PIEZO2: variants seen among roughly 807,000 people sequenced by gnomAD.
The protein encoded by PIEZO2 is piezo type mechanosensitive ion channel component 2, also known as piezo-type mechanosensitive ion channel component 2.
In PIEZO2, 172 loss-of-function variants were observed where a neutral mutation model predicts 337.3. The observed-to-expected ratio is 0.51, with a 90% confidence interval of 0.45 to 0.58. PIEZO2 has a LOEUF of 0.58. Among genes scored for constraint, PIEZO2 ranks in the 20% least tolerant of loss-of-function variants. PIEZO2 has a pLI of 0.00. For synonymous variants in PIEZO2, 1,251 were observed against 1,228.5 expected, an observed-to-expected ratio of 1.02 and a Z score of -0.38; for missense variants, 3,028 against 3,391.3, an observed-to-expected ratio of 0.89 and a Z score of 2.66.
intron 7 of PIEZO2, among the ~76,000 whole-genome samples, chr18:10,822,743 G>A (rs1299034461): frequency 6.6e-6 from 1 of 152,164 alleles, no homozygotes; most frequent in Non-Finnish European, 1.5e-5. Context: ...TTGTGAACGC[G>A]TTGGGGTGCA....
intron 11 of PIEZO2, among the ~76,000 whole-genome samples, chr18:10,799,760 C>T (rs1240874036): frequency 6.6e-6 from 1 of 152,094 alleles, no homozygotes; most frequent in Non-Finnish European, 1.5e-5. Context: ...ATTGCCTGAG[C>T]TCAGGAGTTT....
chr18:10,725,361 C>T, intron 36 of PIEZO2: 1 of 1,605,892 alleles, frequency 6.2e-7, no homozygotes, highest in Middle Eastern at 1.8e-4. Context: ...CCTGCTGTCC[C>T]AGGCGGTGAT....
At chr18:11,023,223 T>A (rs1455227324) in intron 2 of PIEZO2, among the ~76,000 whole-genome samples, 1 of 152,222 alleles carries the variant, frequency 6.6e-6, no homozygotes, top group Non-Finnish European at 1.5e-5. Flanking sequence ...TTTATTCTCT[T>A]ATCTGGCCCC....
At chr18:10,692,605 G>T (rs536207421) in intron 47 of PIEZO2, among the ~76,000 whole-genome samples, 1 of 151,836 alleles carries the variant, frequency 6.6e-6, no homozygotes, top group South Asian at 2.1e-4. Context: ...AGCACCATTT[G>T]CATTTGTTGA....
At chr18:10,675,887 C>T (rs1263213773) in intron 53 of PIEZO2, among the ~76,000 whole-genome samples, 3 of 152,134 alleles carry the variant, frequency 2.0e-5, no homozygotes, top group Non-Finnish European at 4.4e-5. Flanking sequence ...TGCACGTGCT[C>T]CCTTGCCCAC....
At chr18:11,018,536 T>C (rs899060044) in intron 2 of PIEZO2, among the ~76,000 whole-genome samples, 3 of 152,048 alleles carry the variant, frequency 2.0e-5, no homozygotes, top group Admixed American at 6.6e-5. Flanking sequence ...TGGTGTCTCA[T>C]TTATGGCCAA....
chr18:10,880,813 C>T (rs1339940133), intron 4 of PIEZO2, among the ~76,000 whole-genome samples: 4 of 126,470 alleles, frequency 3.2e-5, no homozygotes, highest in African/African-American at 9.2e-5. Flanking sequence ...ATGGTAAGAC[C>T]CCTGATTTCC....
chr18:11,066,227 G>A lies in PIEZO2; in HGVS notation c.65-5C>T. ...CATTGTATCGGAATGCACATGCTGT[G>A]GGTGGGAAGAGAGAAGAGAGTGAGA... On this transcript the variant is annotated splice_polypyrimidine_tract_variant and splice_region_variant and intron_variant, in intron 1 of 55. Transcript: ENST00000674853. 13 of 1,533,534 alleles carry A rather than the reference G, an allele frequency of 8.5e-6. No homozygotes were observed. The highest frequency in any genetic ancestry group is 9.6e-6 in the Non-Finnish European group (11 of 1,143,744). The allele number at this position is 1,533,534 out of a possible 1,614,324, so 95.0% of individuals were successfully genotyped here.
intron 4 of PIEZO2, among the ~76,000 whole-genome samples, chr18:10,885,153 G>A (rs2042540026): frequency 6.6e-6 from 1 of 152,168 alleles, no homozygotes; most frequent in South Asian, 2.1e-4. Flanking sequence ...AGCCGGGCGT[G>A]GTGGCTCACG....
intron 3 of PIEZO2, among the ~76,000 whole-genome samples, chr18:10,928,333 C>A (rs1283835529): frequency 1.3e-5 from 2 of 152,140 alleles, no homozygotes; most frequent in Non-Finnish European, 2.9e-5. Flanking sequence ...AAAACAGAGG[C>A]ATGGCCGCTC....
chr18:10,865,584 T>C (rs1240754225), intron 5 of PIEZO2, among the ~76,000 whole-genome samples: 1 of 152,164 alleles, frequency 6.6e-6, no homozygotes, highest in Non-Finnish European at 1.5e-5. Context: ...TCTATTAACC[T>C]TGATGGGTAA....
At chr18:11,093,627 C>T (rs2039168015) in intron 1 of PIEZO2, among the ~76,000 whole-genome samples, 1 of 146,558 alleles carries the variant, frequency 6.8e-6, no homozygotes, top group Non-Finnish European at 1.5e-5. Context: ...CGCTCTGTCG[C>T]CCAGGCTGGA....
chr18:11,016,398 C>A lies in PIEZO2; in HGVS notation c.161-36738G>T, dbSNP rs939130309. Reference sequence around the variant, plus strand: ...GAGGCAGAAAGGAGGCTGGAGGGCACTGACAACACAGAGGAACCAAAACCC... The same window carrying A: ...GAGGCAGAAAGGAGGCTGGAGGGCAATGACAACACAGAGGAACCAAAACCC... On this transcript the variant is annotated intron_variant, in intron 2 of 55. Transcript: ENST00000674853. This position sits in a 1 kb window ranked among gnomAD's most constrained non-coding sequence, Gnocchi z 5.6. Among the ~76,000 whole-genome samples, 4 of 152,188 alleles carry A rather than the reference C, an allele frequency of 2.6e-5. No individual in the cohort carries two copies. In the East Asian group the frequency reaches 7.7e-4, roughly 29 times the overall value.
chr18:10,900,799 C>T (rs996864214), intron 4 of PIEZO2, among the ~76,000 whole-genome samples: 2 of 152,178 alleles, frequency 1.3e-5, no homozygotes, highest in African/African-American at 2.4e-5. Flanking sequence ...CTACTTCTGC[C>T]TCCACACATG....
intron 4 of PIEZO2, among the ~76,000 whole-genome samples, chr18:10,885,298 C>G (rs1298935738): frequency 6.6e-6 from 1 of 152,084 alleles, no homozygotes; most frequent in Non-Finnish European, 1.5e-5. Context: ...GTGGCAGGTG[C>G]CTGTAGTCCT....
rs549200318 is a variant in PIEZO2, at chr18:10,973,426, T to G, written c.286+6109A>C. On this transcript the variant is annotated intron_variant, in intron 3 of 55. Coordinates refer to ENST00000674853, the MANE Select transcript of PIEZO2 (RefSeq NM_001378183.1). The surrounding 1 kb of genome is among the most constrained non-coding windows in gnomAD (Gnocchi z 4.9). ...AGCAGTCTCCATCTAGGTCGGCATA[T>G]GTCTCCGTGAGGCAGTGCCTCAATC... 6.6e-6 allele frequency among the ~76,000 whole-genome samples: 1 copy of G among 152,352 alleles called. No individual in the cohort carries two copies. Among genetic ancestry groups the G allele is most frequent in the Admixed American group, 6.5e-5 (1 of 15,304 alleles).
intron 7 of PIEZO2, among the ~76,000 whole-genome samples, chr18:10,829,748 A>G (rs1357919791): frequency 6.6e-6 from 1 of 152,186 alleles, no homozygotes; most frequent in Non-Finnish European, 1.5e-5. Flanking sequence ...CAAAAATGTG[A>G]AAGATCTCTA....
chr18:10,731,340 A>C, intron 36 of PIEZO2, 67 bp downstream of exon 36: 1 of 1,069,310 alleles, frequency 9.4e-7, no homozygotes, highest in South Asian at 1.6e-5. Flanking sequence ...TGTCCTTTGC[A>C]GACAAGGCTG....
chr18:11,113,093 A>G (rs2039782842), intron 1 of PIEZO2, among the ~76,000 whole-genome samples: 1 of 152,212 alleles, frequency 6.6e-6, no homozygotes, highest in South Asian at 2.1e-4. Flanking sequence ...CCTTTGGTAT[A>G]AAGGGGCAAT....
Sources: gnomAD v4.1 joint callset for allele counts (sites outside exome capture counted in the v4.1 genomes callset) on GRCh38, gnomAD v4.1.1 for gene constraint, Gnocchi (gnomAD v3.1) non-coding constraint, MANE v1.5 for transcripts, NCBI Gene and HGNC (gene_info 2026-07-23, HGNC 2026-07-21) for gene names.